The following KALRN variants were observed in gnomAD, a reference collection of about 807,000 sequenced individuals.
The protein encoded by KALRN is kalirin.
A neutral mutation model predicts 353.7 loss-of-function variants in KALRN; 70 were observed. The ratio of observed to expected loss-of-function variants is 0.20; its 90% CI spans 0.16 to 0.24. KALRN has a LOEUF of 0.24. Among genes scored for constraint, KALRN ranks in the 10% least tolerant of loss-of-function variants. The probability of loss-of-function intolerance (pLI) is 1.00; values close to 1 mark genes in which losing one functional copy is unlikely to be tolerated. For missense variants in KALRN, 2,791 were observed against 3,756.7 expected, an observed-to-expected ratio of 0.74 and a Z score of 6.72; for synonymous variants, 1,391 against 1,434.8, an observed-to-expected ratio of 0.97 and a Z score of 0.69.
rs746301276 is a variant in KALRN at position 124,491,314 on chromosome 3, T to C, written c.4588-9T>C. On this transcript the variant is annotated splice_polypyrimidine_tract_variant and intron_variant, in intron 30 of 59. Coordinates refer to ENST00000682506, the MANE Select transcript of KALRN (RefSeq NM_001388419.1). ...TTCCCCGCCTCTCATAGGCATTTCCTGTCTACAGACCTCAGAGCTGGGTGT... is the reference window on the plus strand; with the variant it reads ...TTCCCCGCCTCTCATAGGCATTTCCCGTCTACAGACCTCAGAGCTGGGTGT... 6.5e-7 allele frequency: 1 copy of C among 1,547,076 alleles called. No homozygotes were observed. Among genetic ancestry groups the C allele is most frequent in the Non-Finnish European group, 8.7e-7 (1 of 1,142,968 alleles).
rs1356417074 is a variant in KALRN, at chr3:124,436,770, CAT to C, written c.3049-2117_3049-2116del. Reference sequence around the variant, plus strand: ...CCTCAAGTTTGGTGACAGATCTTCTCATGTGATGCTAGAGATGGGACTGGAGA... The same window carrying C: ...CCTCAAGTTTGGTGACAGATCTTCTCGTGATGCTAGAGATGGGACTGGAGA... On this transcript the variant is annotated intron_variant, in intron 17 of 59. Transcript: ENST00000682506. 8.3e-3 allele frequency among the ~76,000 whole-genome samples: 914 copies of C among 109,534 alleles called. 1 individual carries two copies. Among genetic ancestry groups the C allele is most frequent in the African/African-American group, 0.036 (840 of 23,560 alleles). 71.9% of individuals were successfully genotyped at this position (109,534 alleles called of 152,430 possible).
intron 5 of KALRN, among the ~76,000 whole-genome samples, chr3:124,290,275 A>G (rs1445469643): frequency 6.6e-6 from 1 of 152,202 alleles, no homozygotes; most frequent in Non-Finnish European, 1.5e-5. Context: ...CTTGGGGGGC[A>G]GACAGGGTGG....
intron 1 of KALRN, among the ~76,000 whole-genome samples, chr3:124,134,619 T>A (rs1298354815): frequency 6.6e-6 from 1 of 152,040 alleles, no homozygotes; most frequent in East Asian, 1.9e-4. Flanking sequence ...TCTTCACAAT[T>A]TATACATTTG....
At chr3:124,364,971 G>T (rs2084480302) in intron 10 of KALRN, among the ~76,000 whole-genome samples, 2 of 152,096 alleles carry the variant, frequency 1.3e-5, no homozygotes, top group African/African-American at 4.8e-5. Flanking sequence ...TTTTAAGTTG[G>T]CTCAAAAAGT....
chr3:124,457,177 C>A (rs1424557941), intron 23 of KALRN, among the ~76,000 whole-genome samples: 1 of 152,168 alleles, frequency 6.6e-6, no homozygotes, highest in African/African-American at 2.4e-5. Flanking sequence ...TCAAGCAATT[C>A]TCCTGCCTCA....
At chr3:124,101,615 C>T (rs969065474) in intron 1 of KALRN, among the ~76,000 whole-genome samples, 30 of 152,166 alleles carry the variant, frequency 2.0e-4, no homozygotes, top group African/African-American at 7.0e-4. Context: ...GCAGCTGGAC[C>T]TCATGGTCTT....
chr3:124,077,769 AAGT>A (rs1177046465), intron 1 of KALRN, among the ~76,000 whole-genome samples: 1 of 152,174 alleles, frequency 6.6e-6, no homozygotes, highest in Non-Finnish European at 1.5e-5. Flanking sequence ...CTCCTGCTCA[AAGT>A]AGCTCCCATT....
At chr3:124,524,340 G>C (rs541049762) in intron 33 of KALRN, among the ~76,000 whole-genome samples, 92 of 152,320 alleles carry the variant, frequency 6.0e-4, no homozygotes, top group South Asian at 1.5e-3. Flanking sequence ...AGTACACACA[G>C]AGATAGGTAT....
At chr3:124,156,228 C>T (rs1052728342) in intron 1 of KALRN, among the ~76,000 whole-genome samples, 2 of 152,198 alleles carry the variant, frequency 1.3e-5, no homozygotes, top group Non-Finnish European at 2.9e-5. Context: ...CTGGGGCTGA[C>T]CCGAAAGTCT....
intron 1 of KALRN, chr3:124,152,391 C>G: frequency 8.2e-7 from 1 of 1,212,456 alleles, no homozygotes; most frequent in Non-Finnish European, 1.2e-6. Flanking sequence ...CCTTTGGGCT[C>G]ACACTATTGA....
chr3:124,666,977 T>C, intron 46 of KALRN, 35 bp from the exon 47 acceptor site: 1 of 1,562,770 alleles, frequency 6.4e-7, no homozygotes, highest in Non-Finnish European at 8.7e-7. Context: ...AAAAAATCTT[T>C]TAAATGTAAA....
intron 21 of KALRN, among the ~76,000 whole-genome samples, chr3:124,449,789 C>T (rs1351451634): frequency 1.3e-5 from 2 of 152,224 alleles, no homozygotes; most frequent in Non-Finnish European, 1.5e-5. Flanking sequence ...TAAATGGAAT[C>T]ATACAATATG....
At chr3:124,603,017 A>G (rs982719014) in intron 34 of KALRN, among the ~76,000 whole-genome samples, 1 of 152,088 alleles carries the variant, frequency 6.6e-6, no homozygotes, top group Non-Finnish European at 1.5e-5. Flanking sequence ...GCAATTTCAC[A>G]TCATGTGCCT....
intron 16 of KALRN, among the ~76,000 whole-genome samples, chr3:124,431,966 G>A (rs2093294924): frequency 6.6e-6 from 1 of 152,180 alleles, no homozygotes; most frequent in Non-Finnish European, 1.5e-5. Flanking sequence ...TGCACACACA[G>A]CATCAGCAAA....
intron 1 of KALRN, among the ~76,000 whole-genome samples, chr3:124,127,532 CCA>C (rs1321907631): frequency 6.6e-6 from 1 of 152,104 alleles, no homozygotes; most frequent in Non-Finnish European, 1.5e-5. Flanking sequence ...CCACTTTTGA[CCA>C]CAGAGTTTTA....
At chr3:124,582,018 A>ATTTT (rs71625758) in intron 34 of KALRN, among the ~76,000 whole-genome samples, 1 of 136,096 alleles carries the variant, frequency 7.3e-6, no homozygotes, top group African/African-American at 2.8e-5. Context: ...AACATGAGCT[A>ATTTT]TTTTTTTTTT....
chr3:124,377,086 A>AGAG (rs2086694107), intron 10 of KALRN, among the ~76,000 whole-genome samples: 1 of 152,188 alleles, frequency 6.6e-6, no homozygotes, highest in Non-Finnish European at 1.5e-5. Context: ...ACTGGAAGTT[A>AGAG]TAGTTAGAGA....
In KALRN at chr3:124,460,966, A is replaced by G. The variant is rs535003189; in HGVS notation, c.3855-924A>G. 2.0e-5 allele frequency among the ~76,000 whole-genome samples: 3 copies of G among 152,294 alleles called. No individual in the cohort carries two copies. The East Asian group carries it at 5.8e-4, about 29-fold the overall frequency. On this transcript the variant is annotated intron_variant, in intron 23 of 59. Coordinates refer to ENST00000682506, the MANE Select transcript of KALRN (RefSeq NM_001388419.1). ...CTTATTACTAATTTATACTGTGCTT[A>G]TGGTTGCACGTTCAGTTTTCTACAC...
chr3:124,066,569 C>T (rs1434312225), intron 1 of KALRN, among the ~76,000 whole-genome samples: 1 of 152,140 alleles, frequency 6.6e-6, no homozygotes, highest in South Asian at 2.1e-4. Flanking sequence ...AGAGCAACCT[C>T]AAAAGGAGGT....
Sources: allele counts gnomAD v4.1 joint callset (sites outside exome capture counted in the v4.1 genomes callset), GRCh38; gene constraint gnomAD v4.1.1; transcripts MANE v1.5; gene names NCBI Gene and HGNC (gene_info 2026-07-23, HGNC 2026-07-21).